CHRDL1: variants seen among roughly 807,000 people sequenced by gnomAD.
CHRDL1 encodes the protein chordin like 1.
A neutral mutation model predicts 40.9 loss-of-function variants in CHRDL1; 19 were observed. The observed-to-expected ratio is 0.46, with a 90% CI of 0.32 to 0.68. The LOEUF is 0.68. Ranked by LOEUF, CHRDL1 falls within the 30% of genes least tolerant of loss-of-function variation. CHRDL1 has a pLI of 0.03. For missense variants in CHRDL1, 329 were observed against 352.1 expected, an observed-to-expected ratio of 0.93 and a Z score of 0.53; for synonymous variants, 136 against 123.4, an observed-to-expected ratio of 1.10 and a Z score of -0.68.
At chrX:110,784,498 G>A (rs1369313149) in intron 2 of CHRDL1, among the ~76,000 whole-genome samples, 19 of 110,155 alleles carry the variant, frequency 1.7e-4, no homozygotes, top group East Asian at 1.4e-3. Flanking sequence ...TGCAACCTCC[G>A]CCTCCTGGGT....
chrX:110,743,430 A>C (rs189828238), intron 4 of CHRDL1, among the ~76,000 whole-genome samples: 5 of 112,337 alleles, frequency 4.5e-5, no homozygotes, highest in African/African-American at 1.3e-4. Context: ...ATAGCTATCC[A>C]GTCCTGCCTT....
chrX:110,752,755 T>C (rs1329833591), intron 4 of CHRDL1, among the ~76,000 whole-genome samples: 1 of 111,090 alleles, frequency 9.0e-6, no homozygotes, highest in African/African-American at 3.3e-5. Context: ...TGTAGTCACC[T>C]TACTAGGGAA....
In CHRDL1 at chrX:110,674,722, C is replaced by A. The variant is rs1455737960; in HGVS notation, c.*1509G>T. On this transcript the variant is annotated 3_prime_UTR_variant, in exon 12 of 12. Transcript: ENST00000372042. Reference sequence around the variant, plus strand: ...TATCAAACCCTCTTAGGAAAGAATTCTCTCACCTATAGTCATGGAATGAGA... The same window carrying A: ...TATCAAACCCTCTTAGGAAAGAATTATCTCACCTATAGTCATGGAATGAGA... 3.6e-5 allele frequency: 4 copies of A among 112,180 alleles called. No homozygotes were observed. Among genetic ancestry groups the A allele is most frequent in the Non-Finnish European group, 5.6e-5 (3 of 53,227 alleles). 9.2% of individuals were successfully genotyped at this position (112,180 alleles called of 1,213,427 possible).
Position 110,719,936 on chromosome X carries a change from G to C in CHRDL1, c.448-8C>G. The C allele has an allele frequency of 8.9e-7, 1 of 1,124,218 alleles. No homozygotes were observed. Among genetic ancestry groups the C allele is most frequent in the East Asian group, 3.0e-5 (1 of 33,346 alleles). 92.6% of individuals were successfully genotyped at this position (1,124,218 alleles called of 1,213,427 possible). A position where few individuals can be genotyped will look rare whatever the true frequency, so the allele number is the denominator to read the frequency against. On this transcript the variant is annotated splice_polypyrimidine_tract_variant and splice_region_variant and intron_variant, in intron 5 of 11. Coordinates refer to ENST00000372042, the MANE Select transcript of CHRDL1 (RefSeq NM_001143981.2). ...ACAATACACGTTTCCCTCCTGCCAA[G>C]GAGAAACAGAATTAAGATTAGAAGC...
At chrX:110,727,561 A>G (rs1413986790) in intron 4 of CHRDL1, among the ~76,000 whole-genome samples, 1 of 112,246 alleles carries the variant, frequency 8.9e-6, no homozygotes, top group East Asian at 2.8e-4. Flanking sequence ...AATGGTAAAA[A>G]TGGAAAAAGG....
intron 8 of CHRDL1, among the ~76,000 whole-genome samples, chrX:110,689,093 T>C (rs1182881692): frequency 4.7e-5 from 4 of 85,514 alleles, no homozygotes; most frequent in African/African-American, 1.7e-4. Flanking sequence ...TATATATATA[T>C]ATATATATAT....
Position 110,676,081 on chromosome X carries a change from A to G in CHRDL1, c.*150T>C. On this transcript the variant is annotated 3_prime_UTR_variant, in exon 12 of 12. Transcript: ENST00000372042. ...AAGGGCTGACACACCACTCCACACA[A>G]AGGAGCAAATTATGCTGTGCATGGC... The G allele has an allele frequency of 3.8e-6, 2 of 527,083 alleles. No individual in the cohort carries two copies. The highest frequency in any genetic ancestry group is 6.0e-6 in the Non-Finnish European group (2 of 331,395). 43.4% of individuals were successfully genotyped at this position (527,083 alleles called of 1,213,427 possible).
chrX:110,694,355 TA>T, intron 7 of CHRDL1, 24 bp from the exon 8 acceptor site: 4 of 1,158,317 alleles, frequency 3.5e-6, no homozygotes, highest in Non-Finnish European at 4.7e-6. Context: ...AGAACAAATT[TA>T]GTCCAAAAGC....
intron 4 of CHRDL1, among the ~76,000 whole-genome samples, chrX:110,748,266 C>G (rs1008016296): frequency 1.8e-5 from 2 of 111,972 alleles, no homozygotes; most frequent in African/African-American, 6.5e-5. Context: ...CACAATTTCC[C>G]TCAGAAAGCA....
chrX:110,711,082 T>C (rs1457837872), intron 6 of CHRDL1, among the ~76,000 whole-genome samples: 1 of 111,875 alleles, frequency 8.9e-6, no homozygotes, highest in Non-Finnish European at 1.9e-5. Flanking sequence ...ACAATGTAAA[T>C]GCTATGTAAA....
chrX:110,755,914 G>A (rs2089444665), intron 4 of CHRDL1, among the ~76,000 whole-genome samples: 2 of 111,400 alleles, frequency 1.8e-5, no homozygotes, highest in Non-Finnish European at 3.8e-5. Context: ...ATCTCAGATG[G>A]GTGGGTACCT....
rs1169765695 is a variant in CHRDL1, at chrX:110,689,506, ATCTATATCTCTATATATC to A, written c.779-721_779-704del. On this transcript the variant is annotated intron_variant, in intron 8 of 11. Transcript: ENST00000372042. ...TATCTATATCTCTATATATCTATAT[ATCTATATCTCTATATATC>A]TATCTATATATCTCTATATCTCTAT... Among the ~76,000 whole-genome samples, 16 of 46,499 alleles carry A rather than the reference ATCTATATCTCTATATATC, an allele frequency of 3.4e-4. No individual in the cohort carries two copies. In the African/African-American group the frequency reaches 3.8e-3, roughly 11 times the overall value. The allele number at this position is 46,499 out of a possible 115,157, so 40.4% of individuals were successfully genotyped here. A position where few individuals can be genotyped will look rare whatever the true frequency, so the allele number is the denominator to read the frequency against.
intron 4 of CHRDL1, among the ~76,000 whole-genome samples, chrX:110,745,043 C>T (rs749000815): frequency 4.5e-5 from 5 of 110,740 alleles, no homozygotes; most frequent in South Asian, 3.9e-4. Flanking sequence ...CTCACCCACA[C>T]GCTTACATAC....
At chrX:110,716,784 CACAGGCAGGGAT>C (rs1202264481) in intron 6 of CHRDL1, among the ~76,000 whole-genome samples, 1 of 111,213 alleles carries the variant, frequency 9.0e-6, no homozygotes. Flanking sequence ...GCAGGACTTC[CACAGGCAGGGAT>C]GGAGAAAAAG....
At chrX:110,713,781 C>A (rs1217594844) in intron 6 of CHRDL1, among the ~76,000 whole-genome samples, 1 of 112,608 alleles carries the variant, frequency 8.9e-6, no homozygotes, top group Non-Finnish European at 1.9e-5. Flanking sequence ...CACATAAGTG[C>A]TTAGAACATT....
At chrX:110,753,071 T>C (rs939544644) in intron 4 of CHRDL1, among the ~76,000 whole-genome samples, 11 of 111,900 alleles carry the variant, frequency 9.8e-5, no homozygotes, top group East Asian at 2.8e-4. Flanking sequence ...TACAAAATAA[T>C]TGAAAACATA....
At chrX:110,677,782 C>T (rs1457145656) in intron 11 of CHRDL1, among the ~76,000 whole-genome samples, 10 of 111,740 alleles carry the variant, frequency 8.9e-5, no homozygotes, top group Non-Finnish European at 1.9e-4. Context: ...TCAGATGGCT[C>T]TTAAGCATAT....
chrX:110,745,906 C>T (rs1226584058), intron 4 of CHRDL1, among the ~76,000 whole-genome samples: 1 of 112,185 alleles, frequency 8.9e-6, no homozygotes, highest in African/African-American at 3.2e-5. Context: ...GCTTCTCTGA[C>T]TAAGGCTGCT....
chrX:110,783,326 C>A (rs557219912), intron 2 of CHRDL1, among the ~76,000 whole-genome samples: 54 of 111,556 alleles, frequency 4.8e-4, no homozygotes, highest in Non-Finnish European at 9.2e-4. Flanking sequence ...TCCAAAAGTG[C>A]TGGAACACCA....
Sources: gnomAD v4.1 joint callset for allele counts (sites outside exome capture counted in the v4.1 genomes callset) on GRCh38, gnomAD v4.1.1 for gene constraint, MANE v1.5 for transcripts, NCBI Gene and HGNC (gene_info 2026-07-23, HGNC 2026-07-21) for gene names.